The following ERBB4 variants were observed in gnomAD, a reference collection of about 807,000 sequenced individuals.
The protein encoded by ERBB4 is erb-b2 receptor tyrosine kinase 4, also known as receptor tyrosine-protein kinase erbB-4.
A neutral mutation model predicts 158.0 loss-of-function variants in ERBB4; 42 were observed. The ratio of observed to expected loss-of-function variants is 0.27; its 90% CI spans 0.21 to 0.34. ERBB4 has a LOEUF of 0.34. Ranked by LOEUF, ERBB4 falls within the 10% of genes least tolerant of loss-of-function variation. The pLI, the probability that ERBB4 is intolerant of heterozygous loss-of-function variation, is 1.00. For synonymous variants in ERBB4, 583 were observed against 558.7 expected (o/e 1.04, Z -0.61); for missense variants, 1,333 against 1,624.1 (o/e 0.82, Z 3.08).
At chr2:211,910,701 G>A (rs1053148304) in intron 3 of ERBB4, among the ~76,000 whole-genome samples, 11 of 151,684 alleles carry the variant, frequency 7.3e-5, no homozygotes, top group African/African-American at 1.9e-4. Context: ...TATAACAAAC[G>A]GCATTTGTAC....
intron 20 of ERBB4, among the ~76,000 whole-genome samples, chr2:211,472,049 G>A (rs1487372618): frequency 6.6e-6 from 1 of 152,060 alleles, no homozygotes; most frequent in Non-Finnish European, 1.5e-5. Flanking sequence ...AAACTTTTAA[G>A]TTGACAAAAG....
At position 211,987,341 on chromosome 2, in the gene ERBB4, A is replaced by AAAAAAAAAAAAG. The variant is rs1215048952; in HGVS notation, c.235-39726_235-39725insCTTTTTTTTTTT. On this transcript the variant is annotated intron_variant, in intron 2 of 27. Transcript: ENST00000342788. Reference sequence around the variant, plus strand: ...ATCTCAAGAAAAGACAAAAAAAAAAAAAAGAAAGAAATCTATCACCCATGA... The same window carrying AAAAAAAAAAAAG: ...ATCTCAAGAAAAGACAAAAAAAAAAAAAAAAAAAAAAGAAAGAAAGAAATCTATCACCCATGA... Among the ~76,000 whole-genome samples, 151 of 124,338 alleles carry AAAAAAAAAAAAG rather than the reference A, an allele frequency of 1.2e-3. 2 individuals carry two copies. The highest frequency in any genetic ancestry group is 1.6e-3 in the Non-Finnish European group (98 of 60,856). 81.6% of individuals were successfully genotyped at this position (124,338 alleles called of 152,430 possible).
intron 1 of ERBB4, among the ~76,000 whole-genome samples, chr2:212,375,702 T>A (rs2090295819): frequency 6.6e-6 from 1 of 152,102 alleles, no homozygotes; most frequent in South Asian, 2.1e-4. Context: ...AATAAACTCA[T>A]ACTAACTTGA....
chr2:211,430,943 A>C lies in ERBB4; in HGVS notation c.2643+2T>G. ...CAAGATTGCTCTCAAAAAGATACCC[A>C]CCTTTCCTCCATCAGCATTGTACTC... On this transcript the variant is annotated splice_donor_variant, in intron 21 of 27. Transcript: ENST00000342788. LOFTEE classifies it high-confidence loss of function. 3 of 1,612,252 alleles carry C rather than the reference A, an allele frequency of 1.9e-6. No homozygotes were observed. The highest frequency in any genetic ancestry group is 1.7e-6 in the Non-Finnish European group (2 of 1,178,388).
intron 2 of ERBB4, among the ~76,000 whole-genome samples, chr2:212,054,248 G>A (rs918727431): frequency 3.3e-5 from 5 of 152,184 alleles, no homozygotes; most frequent in Non-Finnish European, 5.9e-5. Context: ...GAAATTTGGA[G>A]AGTAAGAACA....
chr2:211,826,740 A>G (rs1391664037), intron 3 of ERBB4, among the ~76,000 whole-genome samples: 1 of 152,064 alleles, frequency 6.6e-6, no homozygotes, highest in Non-Finnish European at 1.5e-5. Context: ...GGATACACCA[A>G]TATAAAATAA....
At chr2:211,709,184 T>G (rs2073571500) in intron 9 of ERBB4, among the ~76,000 whole-genome samples, 1 of 150,460 alleles carries the variant, frequency 6.6e-6, no homozygotes, top group African/African-American at 2.4e-5. Flanking sequence ...ATTTATTTAT[T>G]AAACTTTCCT....
intron 5 of ERBB4, among the ~76,000 whole-genome samples, chr2:211,746,119 T>C (rs1049746234): frequency 1.3e-5 from 2 of 152,204 alleles, no homozygotes; most frequent in African/African-American, 2.4e-5. Context: ...TTAACTTGTA[T>C]ACTATTCTAA....
intron 20 of ERBB4, among the ~76,000 whole-genome samples, chr2:211,476,071 G>C (rs1409826824): frequency 6.6e-6 from 1 of 152,086 alleles, no homozygotes; most frequent in African/African-American, 2.4e-5. Context: ...GATTATATGT[G>C]ATCAGCAATT....
At chr2:212,229,981 A>C (rs186415548) in intron 1 of ERBB4, among the ~76,000 whole-genome samples, 36 of 152,274 alleles carry the variant, frequency 2.4e-4, no homozygotes, top group Admixed American at 2.0e-3. Context: ...GAATGAACAG[A>C]AATCAGAATA....
chr2:211,659,166 T>C (rs1449294381), intron 15 of ERBB4, among the ~76,000 whole-genome samples: 1 of 143,136 alleles, frequency 7.0e-6, no homozygotes, highest in Non-Finnish European at 1.6e-5. Context: ...ATACCTATAA[T>C]ACCAATTAAG....
At chr2:212,149,359 CT>C (rs1208162121) in intron 1 of ERBB4, among the ~76,000 whole-genome samples, 1 of 151,864 alleles carries the variant, frequency 6.6e-6, no homozygotes, top group African/African-American at 2.4e-5. Flanking sequence ...CACATGTACT[CT>C]TTTTTAAAAA....
chr2:212,432,881 T>C (rs773498610), intron 1 of ERBB4, among the ~76,000 whole-genome samples: 16 of 152,170 alleles, frequency 1.1e-4, no homozygotes, highest in Admixed American at 5.2e-4. Context: ...TCGGTGAGGA[T>C]AGTAATGGCA....
chr2:211,791,961 A>G (rs1396749693), intron 3 of ERBB4, among the ~76,000 whole-genome samples: 2 of 151,740 alleles, frequency 1.3e-5, no homozygotes, highest in African/African-American at 2.4e-5. Context: ...TATATATAGC[A>G]TAGTATTTGT....
chr2:211,853,224 C>T (rs1462353074), intron 3 of ERBB4, among the ~76,000 whole-genome samples: 1 of 149,816 alleles, frequency 6.7e-6, no homozygotes, highest in East Asian at 2.0e-4. Flanking sequence ...GAGACTGAAT[C>T]ATCAACAGAT....
intron 12 of ERBB4, among the ~76,000 whole-genome samples, chr2:211,693,936 C>T (rs148042285): frequency 5.9e-5 from 9 of 152,204 alleles, no homozygotes; most frequent in Non-Finnish European, 1.2e-4. Context: ...CCAATAGTCG[C>T]TTCTGCTGTC....
At chr2:212,163,655 T>C (rs538719319) in intron 1 of ERBB4, among the ~76,000 whole-genome samples, 10 of 152,238 alleles carry the variant, frequency 6.6e-5, no homozygotes, top group African/African-American at 2.4e-4. Context: ...GCATTGTGCC[T>C]TTCCTGTCAC....
At chr2:211,518,479 C>A (rs2066098697) in intron 20 of ERBB4, among the ~76,000 whole-genome samples, 1 of 151,988 alleles carries the variant, frequency 6.6e-6, no homozygotes, top group South Asian at 2.1e-4. Flanking sequence ...TATGGTGAAA[C>A]CCTGTCTCTA....
At chr2:211,451,041 G>T (rs986856755) in intron 20 of ERBB4, among the ~76,000 whole-genome samples, 1 of 152,152 alleles carries the variant, frequency 6.6e-6, no homozygotes, top group African/African-American at 2.4e-5. Flanking sequence ...TCGTGGATCT[G>T]GGTGAAATCT....
Sources: allele counts gnomAD v4.1 joint callset (sites outside exome capture counted in the v4.1 genomes callset), GRCh38; gene constraint gnomAD v4.1.1; transcripts MANE v1.5; gene names NCBI Gene and HGNC (gene_info 2026-07-23, HGNC 2026-07-21).